KCNJ6: variants seen among roughly 807,000 people sequenced by gnomAD.
KCNJ6 encodes potassium inwardly rectifying channel subfamily J member 6, also known as G protein-activated inward rectifier potassium channel 2.
KCNJ6 carries 9 observed loss-of-function variants against 34.2 expected under a neutral mutation model. That is an observed-to-expected ratio of 0.26 (90% CI 0.16 to 0.46). KCNJ6 has a LOEUF of 0.46. Ranked by LOEUF, KCNJ6 falls within the 20% of genes least tolerant of loss-of-function variation. KCNJ6 has a pLI of 1.00. For missense variants in KCNJ6, 236 were observed against 531.3 expected (o/e 0.44, Z 5.46); for synonymous variants, 196 against 207.1 (o/e 0.95, Z 0.46).
intron 2 of KCNJ6, among the ~76,000 whole-genome samples, chr21:37,752,801 G>A (rs187831166): frequency 2.0e-5 from 3 of 152,246 alleles, no homozygotes; most frequent in Admixed American, 2.0e-4. Flanking sequence ...GAGCCAGGCT[G>A]GTGTGGATGA....
Position 37,664,858 on chromosome 21 carries a change from G to A in KCNJ6, c.947-39374C>T, listed in dbSNP as rs149778405. 3.6e-3 allele frequency among the ~76,000 whole-genome samples: 503 copies of A among 139,970 alleles called. 2 individuals carry two copies. Among genetic ancestry groups the A allele is most frequent in the African/African-American group, 0.011 (415 of 36,990 alleles). The allele number at this position is 139,970 out of a possible 152,430, so 91.8% of individuals were successfully genotyped here. On this transcript the variant is annotated intron_variant, in intron 3 of 3. Transcript: ENST00000609713. Reference sequence around the variant, plus strand: ...GTTGCCCAGGCTGAAGTGCAGTGGCGCAATCTTGGCTCACTGCAAGCTCTG... The same window carrying A: ...GTTGCCCAGGCTGAAGTGCAGTGGCACAATCTTGGCTCACTGCAAGCTCTG...
At chr21:37,887,236 T>A (rs946111754) in intron 1 of KCNJ6, among the ~76,000 whole-genome samples, 5 of 152,290 alleles carry the variant, frequency 3.3e-5, no homozygotes, top group African/African-American at 1.2e-4. Context: ...GTAGGGCTGC[T>A]CTGTTTTATA....
intron 2 of KCNJ6, among the ~76,000 whole-genome samples, chr21:37,745,741 C>T (rs2054964644): frequency 6.6e-6 from 1 of 152,182 alleles, no homozygotes; most frequent in South Asian, 2.1e-4. Context: ...TGTGCCAGAT[C>T]CTGTGCTAAG....
chr21:37,652,943 A>C (rs2123389326), intron 3 of KCNJ6, among the ~76,000 whole-genome samples: 1 of 152,260 alleles, frequency 6.6e-6, no homozygotes, highest in Non-Finnish European at 1.5e-5. Flanking sequence ...GAAAGTTTGA[A>C]ATGCTCTTTG....
intron 2 of KCNJ6, among the ~76,000 whole-genome samples, chr21:37,735,950 A>G (rs1357387233): frequency 1.3e-5 from 2 of 152,192 alleles, no homozygotes; most frequent in Non-Finnish European, 2.9e-5. Flanking sequence ...TGGGAAGCAC[A>G]TGGGGTCAGC....
chr21:37,887,385 T>C (rs1322184864), intron 1 of KCNJ6, among the ~76,000 whole-genome samples: 1 of 152,150 alleles, frequency 6.6e-6, no homozygotes, highest in Non-Finnish European at 1.5e-5. Context: ...TAGTTTTCAG[T>C]GGTTGCTATC....
chr21:37,811,039 C>T, intron 2 of KCNJ6, among the ~76,000 whole-genome samples: 1 of 152,148 alleles, frequency 6.6e-6, no homozygotes, highest in East Asian at 1.9e-4. Context: ...CATCCATCCT[C>T]CGGGAAGAGG....
intron 1 of KCNJ6, among the ~76,000 whole-genome samples, chr21:37,858,392 CAAAAAAAAAAAAA>C (rs60814205): frequency 1.8e-5 from 1 of 54,500 alleles, no homozygotes; most frequent in Admixed American, 3.3e-4. Flanking sequence ...GACTCCGTCT[CAAAAAAAAAAAAA>C]AAAAAAAAAA....
chr21:37,914,432 G>A (rs1601529083), intron 1 of KCNJ6, among the ~76,000 whole-genome samples: 1 of 152,262 alleles, frequency 6.6e-6, no homozygotes. Flanking sequence ...CAACTTTCGG[G>A]AGGTTTCAGG....
intron 2 of KCNJ6, among the ~76,000 whole-genome samples, chr21:37,799,942 A>T (rs1251905080): frequency 6.6e-6 from 1 of 152,292 alleles, no homozygotes; most frequent in South Asian, 2.1e-4. Flanking sequence ...ACAAAAAACT[A>T]TGAAAATGTG....
At chr21:37,851,739 T>C (rs2055538461) in intron 1 of KCNJ6, among the ~76,000 whole-genome samples, 1 of 151,506 alleles carries the variant, frequency 6.6e-6, no homozygotes. Context: ...ATGATGCAGA[T>C]TGATTTTTTT....
chr21:37,797,748 AAG>A (rs1363686312), intron 2 of KCNJ6, among the ~76,000 whole-genome samples: 1 of 152,220 alleles, frequency 6.6e-6, no homozygotes, highest in Non-Finnish European at 1.5e-5. Flanking sequence ...GGTGAAATGA[AAG>A]AGGGGATTCT....
chr21:37,681,712 C>T (rs578219454), intron 3 of KCNJ6, among the ~76,000 whole-genome samples: 10 of 152,240 alleles, frequency 6.6e-5, no homozygotes, highest in Admixed American at 3.3e-4. Flanking sequence ...AACCTTTTGT[C>T]GCTGAGTACA....
intron 3 of KCNJ6, among the ~76,000 whole-genome samples, chr21:37,706,147 A>G (rs762428106): frequency 2.6e-5 from 4 of 152,180 alleles, no homozygotes; most frequent in Non-Finnish European, 4.4e-5. Flanking sequence ...GTTTCTATTG[A>G]TGGGACTACT....
chr21:37,693,152 T>G (rs1199707662), intron 3 of KCNJ6, among the ~76,000 whole-genome samples: 1 of 152,186 alleles, frequency 6.6e-6, no homozygotes, highest in East Asian at 1.9e-4. Context: ...TCAGATGACC[T>G]GTTTAAATGT....
At chr21:37,713,591 G>A (rs1204585180) in intron 3 of KCNJ6, among the ~76,000 whole-genome samples, 1 of 152,166 alleles carries the variant, frequency 6.6e-6, no homozygotes, top group African/African-American at 2.4e-5. Context: ...GCCATTAACA[G>A]CAGGAGGGCC....
chr21:37,736,203 G>A (rs1254427643), intron 2 of KCNJ6, among the ~76,000 whole-genome samples: 2 of 152,164 alleles, frequency 1.3e-5, no homozygotes, highest in Non-Finnish European at 2.9e-5. Flanking sequence ...TAGGCCCTGG[G>A]GATGCAAAGA....
At chr21:37,799,869 A>G (rs1316673517) in intron 2 of KCNJ6, among the ~76,000 whole-genome samples, 1 of 152,176 alleles carries the variant, frequency 6.6e-6, no homozygotes, top group African/African-American at 2.4e-5. Flanking sequence ...TATTTTTCCT[A>G]TGGATTCTAT....
chr21:37,691,824 G>T (rs1026049761), intron 3 of KCNJ6, among the ~76,000 whole-genome samples: 1 of 152,106 alleles, frequency 6.6e-6, no homozygotes, highest in African/African-American at 2.4e-5. Context: ...CTGCAGGCAG[G>T]CCCCGCTAAG....
Sources: gnomAD v4.1 joint callset for allele counts (sites outside exome capture counted in the v4.1 genomes callset) on GRCh38, gnomAD v4.1.1 for gene constraint, MANE v1.5 for transcripts, NCBI Gene and HGNC (gene_info 2026-07-23, HGNC 2026-07-21) for gene names.